The following RIMBP2 variants were observed in gnomAD, a reference collection of about 807,000 sequenced individuals.
The protein encoded by RIMBP2 is RIMS binding protein 2.
Under a neutral mutation model 118.6 loss-of-function variants are expected in RIMBP2, and 48 were observed. That is an observed-to-expected ratio of 0.40 (90% CI 0.32 to 0.51). The LOEUF (loss-of-function observed/expected upper bound fraction) is 0.51, where lower values mean the gene tolerates loss of function less well. Among genes scored for constraint, RIMBP2 ranks in the 20% least tolerant of loss-of-function variants. The pLI, the probability that RIMBP2 is intolerant of heterozygous loss-of-function variation, is 0.41. For missense variants in RIMBP2, 1,551 were observed against 1,768.3 expected, an observed-to-expected ratio of 0.88 and a Z score of 2.20; for synonymous variants, 762 against 742.9, an observed-to-expected ratio of 1.03 and a Z score of -0.42.
intron 1 of RIMBP2, among the ~76,000 whole-genome samples, chr12:130,641,163 G>C (rs1047735012): frequency 6.6e-6 from 1 of 152,124 alleles, no homozygotes; most frequent in Admixed American, 6.5e-5. Flanking sequence ...TCATAATTAC[G>C]AGATCACAGA....
intron 4 of RIMBP2, among the ~76,000 whole-genome samples, chr12:130,484,706 C>A (rs1016362252): frequency 2.0e-5 from 3 of 152,214 alleles, no homozygotes; most frequent in African/African-American, 7.2e-5. Flanking sequence ...CCTCCCAGCC[C>A]CTGGAGCTCT....
chr12:130,424,252 T>TGGGCTCGCC lies in RIMBP2; in HGVS notation c.3010_3018dup (p.Gly1004_Pro1006dup). 8.1e-7 allele frequency: 1 copy of TGGGCTCGCC among 1,231,826 alleles called. No homozygotes were observed. Among genetic ancestry groups the TGGGCTCGCC allele is most frequent in the African/African-American group, 1.6e-5 (1 of 64,510 alleles). The allele number at this position is 1,231,826 out of a possible 1,614,324, so 76.3% of individuals were successfully genotyped here. On this transcript the variant is annotated inframe_insertion, in exon 16 of 23. Coordinates refer to ENST00000690449, the MANE Select transcript of RIMBP2 (RefSeq NM_001393629.1). This position sits in a 1 kb window ranked among gnomAD's most constrained non-coding sequence, Gnocchi z 9.8. ...ACACCCCGAAAATCTTGGTGCTCGG[T>TGGGCTCGCC]GGGCTCGCCCCAGCCGTGCTTCCTG...
rs1012192637 is a variant in RIMBP2 at position 130,424,268 on chromosome 12, G to A, written c.3003C>T (p.His1001=). 5.4e-5 allele frequency: 66 copies of A among 1,231,794 alleles called. No individual in the cohort carries two copies. The highest frequency in any genetic ancestry group is 1.3e-4 in the East Asian group (4 of 31,688). The allele number at this position is 1,231,794 out of a possible 1,614,324, so 76.3% of individuals were successfully genotyped here. A position where few individuals can be genotyped will look rare whatever the true frequency, so the allele number is the denominator to read the frequency against. Residue 1001 remains histidine (H), a synonymous_variant, in exon 16 of 23, where the codon CAC becomes CAT. Transcript: ENST00000690449. This position sits in a 1 kb window ranked among gnomAD's most constrained non-coding sequence, Gnocchi z 9.8. ...PGPERPPPRK[H]GWGEPTEHQD... Reference sequence around the variant, plus strand: ...GGTGCTCGGTGGGCTCGCCCCAGCCGTGCTTCCTGGGGGGCGGCCTCTCCG... The same window carrying A: ...GGTGCTCGGTGGGCTCGCCCCAGCCATGCTTCCTGGGGGGCGGCCTCTCCG...
chr12:130,709,078 C>T (rs377457854), intron 1 of RIMBP2, among the ~76,000 whole-genome samples: 36 of 152,372 alleles, frequency 2.4e-4, no homozygotes, highest in African/African-American at 7.7e-4. Flanking sequence ...AGCAACGTGC[C>T]GGCAACAGCA....
chr12:130,607,657 A>G (rs1452911515), intron 2 of RIMBP2, among the ~76,000 whole-genome samples: 1 of 152,018 alleles, frequency 6.6e-6, no homozygotes, highest in East Asian at 1.9e-4. Context: ...AGAGCGAGTC[A>G]GACACAAATC....
intron 1 of RIMBP2, among the ~76,000 whole-genome samples, chr12:130,646,038 G>GTTCCCTCACCAC (rs1451941936): frequency 7.2e-6 from 1 of 139,066 alleles, no homozygotes; most frequent in Non-Finnish European, 1.5e-5. Context: ...GCGGCAGCCA[G>GTTCCCTCACCAC]TTCCCTCTCC....
At chr12:130,433,346 G>T (rs552725012) in intron 14 of RIMBP2, among the ~76,000 whole-genome samples, 1 of 152,180 alleles carries the variant, frequency 6.6e-6, no homozygotes, top group African/African-American at 2.4e-5. Flanking sequence ...TCTACTCACT[G>T]CATGTGCGTG....
intron 19 of RIMBP2, among the ~76,000 whole-genome samples, chr12:130,409,754 T>C (rs923468215): frequency 6.6e-6 from 1 of 152,098 alleles, no homozygotes; most frequent in African/African-American, 2.4e-5. Flanking sequence ...GTAGGCCCCA[T>C]TGTGTGGGGC....
chr12:130,413,815 A>G (rs1424676486), intron 18 of RIMBP2, among the ~76,000 whole-genome samples: 1 of 151,674 alleles, frequency 6.6e-6, no homozygotes, highest in Non-Finnish European at 1.5e-5. Flanking sequence ...CTGCTGACTG[A>G]CAAGTGTTGT....
chr12:130,447,395 G>A lies in RIMBP2; in HGVS notation c.582-2126C>T, dbSNP rs951194996. The stretch of plus-strand genomic sequence containing the variant: ...GGGTGTTCAGGGCAGACGCTGCCAC[G>A]TACTGTGTGGATGAGACCAGGGGAC... On this transcript the variant is annotated intron_variant, in intron 9 of 22. Coordinates refer to ENST00000690449, the MANE Select transcript of RIMBP2 (RefSeq NM_001393629.1). The surrounding 1 kb of genome is among the most constrained non-coding windows in gnomAD (Gnocchi z 4.4). Among the ~76,000 whole-genome samples the A allele has an allele frequency of 2.6e-5, 4 of 152,280 alleles. No individual in the cohort carries two copies. The highest frequency in any genetic ancestry group is 3.4e-3 in the Middle Eastern group (1 of 294).
intron 1 of RIMBP2, among the ~76,000 whole-genome samples, chr12:130,673,317 A>G (rs2064285878): frequency 6.6e-6 from 1 of 152,188 alleles, no homozygotes; most frequent in Non-Finnish European, 1.5e-5. Context: ...CTGCCACCCC[A>G]TCAACCTGTT....
At chr12:130,649,735 A>G (rs1037577541) in intron 1 of RIMBP2, among the ~76,000 whole-genome samples, 1 of 152,082 alleles carries the variant, frequency 6.6e-6, no homozygotes, top group Admixed American at 6.5e-5. Flanking sequence ...AGAAAATCAG[A>G]GATGTGGTCT....
intron 4 of RIMBP2, 60 bp from the exon 5 acceptor site, chr12:130,479,076 C>G (rs1044493408): frequency 3.6e-6 from 5 of 1,384,364 alleles, no homozygotes; most frequent in Non-Finnish European, 4.0e-6. Context: ...GGCGTGCATC[C>G]TATACCCTGC....
In RIMBP2 at chr12:130,670,594, G is replaced by A. The variant is rs373031698; in HGVS notation, c.-351-42138C>T. Among the ~76,000 whole-genome samples, 4 of 151,990 alleles carry A rather than the reference G, an allele frequency of 2.6e-5. No individual in the cohort carries two copies. Among genetic ancestry groups the A allele is most frequent in the Non-Finnish European group, 4.4e-5 (3 of 68,004 alleles). The stretch of plus-strand genomic sequence containing the variant: ...TACACTTGTTCAGCACCATGAAGCC[G>A]CCAGTCCGACACCCATTCCCAGTAC... On this transcript the variant is annotated intron_variant, in intron 1 of 22. Coordinates refer to ENST00000690449, the MANE Select transcript of RIMBP2 (RefSeq NM_001393629.1). The surrounding 1 kb of genome is among the most constrained non-coding windows in gnomAD (Gnocchi z 4.9).
At chr12:130,538,293 T>A (rs140501319) in intron 2 of RIMBP2, among the ~76,000 whole-genome samples, 1,880 of 140,810 alleles carry the variant, frequency 0.013, 20 homozygotes, top group Non-Finnish European at 0.022. Flanking sequence ...CTCTTCACAG[T>A]GGAAAAAAAA....
intron 2 of RIMBP2, among the ~76,000 whole-genome samples, chr12:130,550,710 T>C (rs1360012056): frequency 1.3e-5 from 2 of 152,268 alleles, no homozygotes; most frequent in Non-Finnish European, 1.5e-5. Flanking sequence ...TCATCCATGA[T>C]TTAACAGATA....
intron 21 of RIMBP2, among the ~76,000 whole-genome samples, chr12:130,402,652 C>T (rs772534589): frequency 1.3e-5 from 2 of 152,258 alleles, no homozygotes; most frequent in East Asian, 1.9e-4. Context: ...TCTCTATTTG[C>T]GGCCAAACAG....
Position 130,578,017 on chromosome 12 carries a change from A to G in RIMBP2, c.-217+50305T>C, listed in dbSNP as rs1191212930. On this transcript the variant is annotated intron_variant, in intron 2 of 22. Transcript: ENST00000690449. This position sits in a 1 kb window ranked among gnomAD's most constrained non-coding sequence, Gnocchi z 4.1. ...ATATAGCTACGGTTTTTACTTGTCAATTATACCTCAACAAAGCTGGGGAAA... is the reference window on the plus strand; with the variant it reads ...ATATAGCTACGGTTTTTACTTGTCAGTTATACCTCAACAAAGCTGGGGAAA... Among the ~76,000 whole-genome samples, 1 of 152,226 alleles carries G rather than the reference A, an allele frequency of 6.6e-6. No individual in the cohort carries two copies. The highest frequency in any genetic ancestry group is 1.5e-5 in the Non-Finnish European group (1 of 68,042).
At chr12:130,553,698 T>C (rs186818733) in intron 2 of RIMBP2, among the ~76,000 whole-genome samples, 77 of 152,196 alleles carry the variant, frequency 5.1e-4, no homozygotes, top group African/African-American at 1.8e-3. Flanking sequence ...GAGTCCTGAT[T>C]GTGCCACTGC....
Sources: allele counts gnomAD v4.1 joint callset (sites outside exome capture counted in the v4.1 genomes callset), GRCh38; gene constraint gnomAD v4.1.1; non-coding constraint Gnocchi (gnomAD v3.1); transcripts MANE v1.5; gene names NCBI Gene and HGNC (gene_info 2026-07-23, HGNC 2026-07-21).